Variants in RBMS3 observed in about 807,000 individuals in gnomAD.
RBMS3 encodes the protein RNA binding motif single stranded interacting protein 3.
In RBMS3, 27 loss-of-function variants were observed where a neutral mutation model predicts 66.8. That is an observed-to-expected ratio of 0.40 (90% confidence interval 0.30 to 0.56). The LOEUF is 0.56. Ranked by LOEUF, RBMS3 falls within the 20% of genes least tolerant of loss-of-function variation. The probability of loss-of-function intolerance (pLI) is 0.40; values close to 1 mark genes in which losing one functional copy is unlikely to be tolerated. For synonymous variants in RBMS3, 188 were observed against 183.0 expected, an observed-to-expected ratio of 1.03 and a Z score of -0.22; for missense variants, 513 against 549.5, an observed-to-expected ratio of 0.93 and a Z score of 0.66.
At chr3:29,817,090 C>G (rs1386706785) in intron 6 of RBMS3, among the ~76,000 whole-genome samples, 2 of 150,332 alleles carry the variant, frequency 1.3e-5, no homozygotes, top group Non-Finnish European at 3.0e-5. Flanking sequence ...GACTCCGTCT[C>G]AAAAAATAAA....
rs2031799906 is a variant in RBMS3 at position 29,281,717 on chromosome 3, C to G, written c.36C>G (p.Pro12=). 6.2e-7 allele frequency: 1 copy of G among 1,613,410 alleles called. No homozygotes were observed. The highest frequency in any genetic ancestry group is 1.3e-5 in the African/African-American group (1 of 74,840). Residue 12 remains proline (P), a synonymous_variant, in exon 1 of 15, where the codon CCC becomes CCG. Transcript: ENST00000383767. The stretch of plus-strand genomic sequence containing the variant: ...GCCTGGATCAGCCACAAATGTACCC[C>G]CAGTACACTTACTACTATCCTCATT... ...GKRLDQPQMY[P]QYTYYYPHYL...
At chr3:29,955,601 G>C (rs571948797) in intron 12 of RBMS3, among the ~76,000 whole-genome samples, 19 of 152,118 alleles carry the variant, frequency 1.2e-4, no homozygotes, top group African/African-American at 4.6e-4. Context: ...CATGAAGTAT[G>C]CCTTGGCACA....
chr3:29,960,029 C>T (rs1559839389), intron 12 of RBMS3, among the ~76,000 whole-genome samples: 1 of 152,138 alleles, frequency 6.6e-6, no homozygotes, highest in South Asian at 2.1e-4. Flanking sequence ...TTCCAACAGT[C>T]CTCCAAAGTC....
At chr3:29,775,124 T>C (rs1221319101) in intron 6 of RBMS3, among the ~76,000 whole-genome samples, 1 of 151,920 alleles carries the variant, frequency 6.6e-6, no homozygotes, top group Admixed American at 6.6e-5. Context: ...AGGCGAAGTT[T>C]AAAATACGCT....
intron 4 of RBMS3, among the ~76,000 whole-genome samples, chr3:29,694,031 A>G (rs1374723840): frequency 1.3e-5 from 2 of 152,336 alleles, no homozygotes; most frequent in East Asian, 3.9e-4. Flanking sequence ...CCACAAAATG[A>G]CAGGAACACT....
intron 1 of RBMS3, 76 bp from the exon 2 acceptor site, chr3:29,434,667 G>T: frequency 1.3e-6 from 2 of 1,546,134 alleles, no homozygotes; most frequent in South Asian, 2.5e-5. Flanking sequence ...AGCTTACATT[G>T]ATTTCAAGTT....
chr3:29,831,940 A>G (rs1423075441), intron 6 of RBMS3, among the ~76,000 whole-genome samples: 1 of 152,134 alleles, frequency 6.6e-6, no homozygotes, highest in Non-Finnish European at 1.5e-5. Flanking sequence ...GGTTATCTCA[A>G]ATCAGCTTTG....
intron 1 of RBMS3, among the ~76,000 whole-genome samples, chr3:29,409,656 T>C (rs955347383): frequency 6.6e-6 from 1 of 152,234 alleles, no homozygotes; most frequent in Non-Finnish European, 1.5e-5. Flanking sequence ...ACCACTGCTT[T>C]ATCATACTCG....
chr3:29,737,564 T>G (rs1370627898), intron 4 of RBMS3, among the ~76,000 whole-genome samples: 3 of 152,180 alleles, frequency 2.0e-5, no homozygotes, highest in African/African-American at 7.2e-5. Flanking sequence ...TGTAGTAATA[T>G]TTGCCAAACT....
rs142492674 is a variant in RBMS3, at chr3:29,390,130, G to A, written c.76-44613G>A. Among the ~76,000 whole-genome samples the A allele has an allele frequency of 5.5e-4, 84 of 152,268 alleles. 1 individual carries two copies. The highest frequency in any genetic ancestry group is 3.9e-3 in the Admixed American group (60 of 15,304). On this transcript the variant is annotated intron_variant, in intron 1 of 14. Coordinates refer to ENST00000383767, the MANE Select transcript of RBMS3 (RefSeq NM_001003793.3). ...ATCAAGTTTTGATTTTTGTTTGCAT[G>A]GCTGTTATCAAATTCCATTTTGAAT...
At chr3:29,480,482 C>T (rs2043092975) in intron 2 of RBMS3, among the ~76,000 whole-genome samples, 1 of 152,024 alleles carries the variant, frequency 6.6e-6, no homozygotes, top group African/African-American at 2.4e-5. Context: ...AAAAAAAGAA[C>T]CAGATGAAGG....
Position 30,009,645 on chromosome 3 carries a change from T to TA in RBMS3, c.*5784dup, listed in dbSNP as rs1378580695. On this transcript the variant is annotated 3_prime_UTR_variant, in exon 15 of 15. Transcript: ENST00000383767. ...ATAACGGTAGCTCTTGGTACAGTCA[T>TA]ATTCATATTTTTAAATCTTTCTTTG... The TA allele has an allele frequency of 1.3e-5, 2 of 152,146 alleles. No homozygotes were observed. Among genetic ancestry groups the TA allele is most frequent in the Non-Finnish European group, 2.9e-5 (2 of 68,022 alleles). 9.4% of individuals were successfully genotyped at this position (152,146 alleles called of 1,614,324 possible).
At chr3:29,954,463 T>C (rs1415472933) in intron 12 of RBMS3, among the ~76,000 whole-genome samples, 1 of 152,016 alleles carries the variant, frequency 6.6e-6, no homozygotes, top group Non-Finnish European at 1.5e-5. Flanking sequence ...CCAAGATGTT[T>C]TAAGTGTAGC....
At chr3:29,781,441 C>G (rs2056628825) in intron 6 of RBMS3, among the ~76,000 whole-genome samples, 1 of 151,996 alleles carries the variant, frequency 6.6e-6, no homozygotes, top group Non-Finnish European at 1.5e-5. Context: ...ATTTTATTCT[C>G]CAGCTGAATA....
intron 4 of RBMS3, among the ~76,000 whole-genome samples, chr3:29,680,858 A>T (rs1292457790): frequency 6.6e-6 from 1 of 152,220 alleles, no homozygotes; most frequent in African/African-American, 2.4e-5. Flanking sequence ...TTAGGATGGA[A>T]TTTCAATACA....
intron 3 of RBMS3, among the ~76,000 whole-genome samples, chr3:29,575,870 G>C (rs968384012): frequency 4.6e-5 from 7 of 151,804 alleles, no homozygotes; most frequent in African/African-American, 1.5e-4. Context: ...CAGTTTCTTT[G>C]TTAATTTTTT....
intron 3 of RBMS3, among the ~76,000 whole-genome samples, chr3:29,559,219 A>G (rs2046457439): frequency 6.6e-6 from 1 of 152,048 alleles, no homozygotes. Flanking sequence ...TTAATTTTAT[A>G]TTGAGAAAAA....
At chr3:29,497,480 T>C (rs2148929867) in intron 3 of RBMS3, among the ~76,000 whole-genome samples, 1 of 152,314 alleles carries the variant, frequency 6.6e-6, no homozygotes, top group Non-Finnish European at 1.5e-5. Flanking sequence ...GCTCCTGTCT[T>C]TCACTTCCCT....
chr3:29,307,102 G>A (rs1376679576), intron 1 of RBMS3, among the ~76,000 whole-genome samples: 8 of 151,980 alleles, frequency 5.3e-5, no homozygotes, highest in Middle Eastern at 3.4e-3. Flanking sequence ...CTAGTTCTAT[G>A]CCTACTATTT....
Sources: allele counts gnomAD v4.1 joint callset (sites outside exome capture counted in the v4.1 genomes callset), GRCh38; gene constraint gnomAD v4.1.1; transcripts MANE v1.5; gene names NCBI Gene and HGNC (gene_info 2026-07-23, HGNC 2026-07-21).